The following LARP1 variants were observed in gnomAD, a reference collection of about 807,000 sequenced individuals.
The protein encoded by LARP1 is La ribonucleoprotein 1, translational regulator.
In LARP1, 36 loss-of-function variants were observed where a neutral mutation model predicts 122.7. The observed-to-expected ratio is 0.29, with a 90% CI of 0.22 to 0.39. The LOEUF is 0.39. LARP1 is among the 10% of genes least tolerant of loss of function. The probability of loss-of-function intolerance (pLI) is 1.00; values close to 1 mark genes in which losing one functional copy is unlikely to be tolerated. For synonymous variants in LARP1, 539 were observed against 528.7 expected (o/e 1.02, Z -0.27); for missense variants, 1,040 against 1,403.6 (o/e 0.74, Z 4.14).
chr5:154,736,696 G>T (rs1490326074), intron 1 of LARP1, among the ~76,000 whole-genome samples: 1 of 151,816 alleles, frequency 6.6e-6, no homozygotes, highest in Non-Finnish European at 1.5e-5. Flanking sequence ...CTGCTGAGTA[G>T]CTGGGATTAC....
At chr5:154,691,240 C>A (rs1378392081) in intron 1 of LARP1, among the ~76,000 whole-genome samples, 4 of 133,854 alleles carry the variant, frequency 3.0e-5, no homozygotes, top group African/African-American at 1.2e-4. Flanking sequence ...CCAGCCTGGG[C>A]GACAGAGGGA....
intron 1 of LARP1, among the ~76,000 whole-genome samples, chr5:154,769,842 C>T (rs768001425): frequency 6.6e-6 from 1 of 152,174 alleles, no homozygotes; most frequent in African/African-American, 2.4e-5. Context: ...GGGAGTGCCT[C>T]TCACGGTGAG....
At chr5:154,795,746 A>G (rs1561614650) in intron 8 of LARP1, among the ~76,000 whole-genome samples, 1 of 147,986 alleles carries the variant, frequency 6.8e-6, no homozygotes, top group Non-Finnish European at 1.5e-5. Flanking sequence ...CTAAATTAAC[A>G]GTTTAACATA....
intron 1 of LARP1, among the ~76,000 whole-genome samples, chr5:154,720,224 A>ATAC (rs955861001): frequency 2.0e-5 from 3 of 151,658 alleles, no homozygotes; most frequent in Non-Finnish European, 4.4e-5. Context: ...AATAATAATA[A>ATAC]TACTAACCAT....
upstream of LARP1, among the ~76,000 whole-genome samples, chr5:154,753,615 T>TAAC (rs535458009): frequency 2.8e-4 from 42 of 152,354 alleles, no homozygotes; most frequent in East Asian, 7.7e-3. Context: ...GCACCTTGAC[T>TAAC]AACATTGTCT....
At chr5:154,750,435 A>G (rs1164852716), upstream of LARP1, among the ~76,000 whole-genome samples, 2 of 151,738 alleles carry the variant, frequency 1.3e-5, no homozygotes, top group Admixed American at 1.3e-4. Context: ...ATGCCCGGAT[A>G]ATGCTTTGTA....
chr5:154,804,972 CTT>C (rs757631516), intron 14 of LARP1: 4 of 453,316 alleles, frequency 8.8e-6, no homozygotes, highest in Admixed American at 4.7e-5. Flanking sequence ...CCGTGTATAA[CTT>C]TTGACTCTCC....
At chr5:154,721,750 A>G (rs896425534) in intron 1 of LARP1, among the ~76,000 whole-genome samples, 2 of 152,214 alleles carry the variant, frequency 1.3e-5, no homozygotes, top group African/African-American at 4.8e-5. Flanking sequence ...AAGTGTTGAG[A>G]GAACCAATCC....
chr5:154,698,877 G>A (rs544262076), intron 1 of LARP1, among the ~76,000 whole-genome samples: 1 of 152,156 alleles, frequency 6.6e-6, no homozygotes, highest in South Asian at 2.1e-4. Flanking sequence ...CTGTCTCAGG[G>A]GCATGCTTGC....
At chr5:154,731,204 C>T (rs1756547891) in intron 1 of LARP1, among the ~76,000 whole-genome samples, 1 of 151,966 alleles carries the variant, frequency 6.6e-6, no homozygotes, top group Non-Finnish European at 1.5e-5. Flanking sequence ...AAAAAACACA[C>T]CCATGCATAG....
At chr5:154,706,892 C>T (rs1169409929) in intron 1 of LARP1, among the ~76,000 whole-genome samples, 1 of 152,152 alleles carries the variant, frequency 6.6e-6, no homozygotes, top group Non-Finnish European at 1.5e-5. Flanking sequence ...CCAGTAAATA[C>T]TTGCCTCTGA....
exon 1 of LARP1, chr5:154,713,103 C>T: frequency 6.2e-7 from 1 of 1,613,878 alleles, no homozygotes; most frequent in African/African-American, 1.3e-5. Flanking sequence ...ATTGCCATTC[C>T]CTGTCCTGGC....
chr5:154,806,987 C>G (rs1442935302), intron 15 of LARP1, among the ~76,000 whole-genome samples: 3 of 152,216 alleles, frequency 2.0e-5, no homozygotes, highest in Non-Finnish European at 4.4e-5. Context: ...TCCCCACCCC[C>G]AGAATCCTCC....
chr5:154,783,708 AT>A (rs1756643723), intron 1 of LARP1, among the ~76,000 whole-genome samples: 2 of 151,844 alleles, frequency 1.3e-5, no homozygotes, highest in South Asian at 4.1e-4. Flanking sequence ...CACGATCAAG[AT>A]TAAGAGAATC....
At chr5:154,712,236 C>T (rs1755253471), upstream of LARP1, among the ~76,000 whole-genome samples, 1 of 152,148 alleles carries the variant, frequency 6.6e-6, no homozygotes, top group African/African-American at 2.4e-5. Flanking sequence ...AGATTATATA[C>T]TCATTATAGT....
At chr5:154,714,662 C>T (rs1173234515) in intron 1 of LARP1, among the ~76,000 whole-genome samples, 2 of 152,194 alleles carry the variant, frequency 1.3e-5, no homozygotes, top group Non-Finnish European at 1.5e-5. Flanking sequence ...CTGTTCTCTC[C>T]TTTCCTGCAG....
intron 1 of LARP1, among the ~76,000 whole-genome samples, chr5:154,763,024 T>A (rs2113605794): frequency 6.6e-6 from 1 of 152,200 alleles, no homozygotes; most frequent in South Asian, 2.1e-4. Context: ...GTCTCACCTG[T>A]TCTAGCCCAA....
intron 1 of LARP1, among the ~76,000 whole-genome samples, chr5:154,772,875 C>T (rs533359035): frequency 2.7e-4 from 41 of 151,652 alleles, no homozygotes; most frequent in African/African-American, 7.5e-4. Flanking sequence ...TTAGTAGAGA[C>T]GGGGTTTTTC....
intron 1 of LARP1, among the ~76,000 whole-genome samples, chr5:154,690,849 G>A (rs1212272428): frequency 6.6e-6 from 1 of 152,240 alleles, no homozygotes; most frequent in Non-Finnish European, 1.5e-5. Flanking sequence ...GATTCCCGAA[G>A]AGGTAAAATA....
Sources: gnomAD v4.1 joint callset for allele counts (sites outside exome capture counted in the v4.1 genomes callset) on GRCh38, gnomAD v4.1.1 for gene constraint, MANE v1.5 for transcripts, NCBI Gene and HGNC (gene_info 2026-07-23, HGNC 2026-07-21) for gene names.